Variants in RORA observed in about 807,000 individuals in gnomAD.
RORA encodes nuclear receptor ROR-alpha.
A neutral mutation model predicts 69.5 loss-of-function variants in RORA; 7 were observed. The ratio of observed to expected loss-of-function variants is 0.10; its 90% CI spans 0.06 to 0.19. The LOEUF (loss-of-function observed/expected upper bound fraction) is 0.19. Ranked by LOEUF, RORA falls within the 10% of genes least tolerant of loss-of-function variation. RORA has a pLI of 1.00. For synonymous variants in RORA, 261 were observed against 240.8 expected, an observed-to-expected ratio of 1.08 and a Z score of -0.78; for missense variants, 457 against 663.0, an observed-to-expected ratio of 0.69 and a Z score of 3.41.
At chr15:60,815,916 T>TATAGTGTATATATACTATAC (rs2072803893) in intron 1 of RORA, among the ~76,000 whole-genome samples, 3 of 129,382 alleles carry the variant, frequency 2.3e-5, no homozygotes, top group African/African-American at 8.8e-5. Flanking sequence ...ATTTATAAAC[T>TATAGTGTATATATACTATAC]ATAGTGTATA....
intron 1 of RORA, among the ~76,000 whole-genome samples, chr15:61,001,442 T>C (rs1400908090): frequency 1.3e-5 from 2 of 152,210 alleles, no homozygotes; most frequent in Admixed American, 6.5e-5. Context: ...AAAACTAACG[T>C]GATGTGCTGG....
intron 2 of RORA, among the ~76,000 whole-genome samples, chr15:60,602,489 T>A (rs1250048785): frequency 6.6e-6 from 1 of 152,222 alleles, no homozygotes; most frequent in African/African-American, 2.4e-5. Context: ...TTTCAGCACT[T>A]GTCAAAAAAC....
chr15:61,201,555 C>T (rs781106213), intron 1 of RORA, among the ~76,000 whole-genome samples: 2 of 152,182 alleles, frequency 1.3e-5, no homozygotes, highest in East Asian at 1.9e-4. Flanking sequence ...CACTTAACTG[C>T]ACAAGGTTTT....
intron 1 of RORA, among the ~76,000 whole-genome samples, chr15:61,040,411 C>T (rs1355359814): frequency 6.6e-6 from 1 of 151,826 alleles, no homozygotes; most frequent in Non-Finnish European, 1.5e-5. Context: ...TGCCTGACCT[C>T]AGCTCACGAT....
At chr15:61,164,008 C>T (rs2079519453) in intron 1 of RORA, among the ~76,000 whole-genome samples, 1 of 152,146 alleles carries the variant, frequency 6.6e-6, no homozygotes, top group Admixed American at 6.5e-5. Context: ...ATAGTTTAAA[C>T]ACCTATGCAA....
intron 1 of RORA, among the ~76,000 whole-genome samples, chr15:60,680,900 CAA>C (rs2070632720): frequency 6.6e-6 from 1 of 152,142 alleles, no homozygotes; most frequent in African/African-American, 2.4e-5. Context: ...ACTCCTGACA[CAA>C]GAGCAATATT....
intron 2 of RORA, among the ~76,000 whole-genome samples, chr15:60,631,211 C>T (rs1309014754): frequency 1.3e-5 from 2 of 152,176 alleles, no homozygotes; most frequent in Non-Finnish European, 2.9e-5. Flanking sequence ...CTTTCTAACC[C>T]AGCTTTCTTT....
At chr15:61,208,456 T>C (rs1263930286) in intron 1 of RORA, among the ~76,000 whole-genome samples, 1 of 152,222 alleles carries the variant, frequency 6.6e-6, no homozygotes, top group East Asian at 1.9e-4. Flanking sequence ...CTGATGGAAA[T>C]GTTGAACTAG....
rs909072161 is a variant in RORA, at chr15:60,949,179, C to A, written c.167-270493G>T. Among the ~76,000 whole-genome samples, 34 of 152,178 alleles carry A rather than the reference C, an allele frequency of 2.2e-4. 1 individual carries two copies. The highest frequency in any genetic ancestry group is 8.0e-4 in the African/African-American group (33 of 41,438). On this transcript the variant is annotated intron_variant, in intron 1 of 10. Coordinates refer to ENST00000335670, the MANE Select transcript of RORA (RefSeq NM_134261.3). ...ACCCAGTAGCACACACCCCCTATGA[C>A]ATGGCCCCTTCCCCGTGAAGCTCAC...
chr15:60,581,114 C>T (rs956145054), intron 2 of RORA, among the ~76,000 whole-genome samples: 9 of 152,170 alleles, frequency 5.9e-5, no homozygotes, highest in Admixed American at 2.0e-4. Context: ...TTCTAGCAAA[C>T]GAAAACATTC....
At chr15:60,540,892 C>T (rs924592274) in intron 2 of RORA, among the ~76,000 whole-genome samples, 1 of 152,198 alleles carries the variant, frequency 6.6e-6, no homozygotes, top group Non-Finnish European at 1.5e-5. Flanking sequence ...TTTATAGTCA[C>T]AGGAACATGG....
At chr15:60,668,336 CAAG>C (rs2140730444) in intron 2 of RORA, among the ~76,000 whole-genome samples, 1 of 152,282 alleles carries the variant, frequency 6.6e-6, no homozygotes, top group Non-Finnish European at 1.5e-5. Flanking sequence ...AGTTTTTTAA[CAAG>C]GAGGAAAACC....
At chr15:60,561,901 G>A (rs1208832715) in intron 2 of RORA, among the ~76,000 whole-genome samples, 1 of 151,632 alleles carries the variant, frequency 6.6e-6, no homozygotes, top group Non-Finnish European at 1.5e-5. Flanking sequence ...TGGAATCTGT[G>A]ATACACAGAA....
rs148841783 is a variant in RORA at position 61,142,767 on chromosome 15, T to A, written c.166+86286A>T. On this transcript the variant is annotated intron_variant, in intron 1 of 10. Transcript: ENST00000335670. ...TTATAGCAGAAAGATCCTATAATCA[T>A]CTTCACGGGTGCTAAAAAAGCATTC... 3.2e-3 allele frequency among the ~76,000 whole-genome samples: 484 copies of A among 152,274 alleles called. 2 individuals carry two copies. The highest frequency in any genetic ancestry group is 3.3e-3 in the Non-Finnish European group (222 of 68,002).
chr15:61,228,384 G>A (rs1596087931), intron 1 of RORA, among the ~76,000 whole-genome samples: 1 of 151,962 alleles, frequency 6.6e-6, no homozygotes, highest in East Asian at 2.0e-4. Flanking sequence ...TTGGCGAACA[G>A]CTCGCCCGCC....
intron 1 of RORA, among the ~76,000 whole-genome samples, chr15:60,885,022 T>C (rs2073736175): frequency 6.6e-6 from 1 of 152,228 alleles, no homozygotes; most frequent in Non-Finnish European, 1.5e-5. Context: ...AAAGCAGCCT[T>C]TTCATTTCAT....
intron 1 of RORA, among the ~76,000 whole-genome samples, chr15:60,951,914 G>C (rs899126890): frequency 4.6e-5 from 7 of 150,566 alleles, no homozygotes; most frequent in African/African-American, 1.7e-4. Context: ...AATAGAAAAA[G>C]AGGGAATCCT....
chr15:60,531,378 G>C lies in RORA; in HGVS notation c.282+388C>G. The C allele has an allele frequency of 5.4e-6, 1 of 184,060 alleles. No homozygotes were observed. Among genetic ancestry groups the C allele is most frequent in the Non-Finnish European group, 1.1e-5 (1 of 90,660 alleles). The allele number at this position is 184,060 out of a possible 1,614,324, so 11.4% of individuals were successfully genotyped here. A position where few individuals can be genotyped will look rare whatever the true frequency, so the allele number is the denominator to read the frequency against. ...TTAACATTATGTGTGCTAACAATAAGACTCAACTCAGTGACATTCCAATTA... is the reference window on the plus strand; with the variant it reads ...TTAACATTATGTGTGCTAACAATAACACTCAACTCAGTGACATTCCAATTA... On this transcript the variant is annotated intron_variant, in intron 3 of 10. Coordinates refer to ENST00000335670, the MANE Select transcript of RORA (RefSeq NM_134261.3). The surrounding 1 kb of genome is among the most constrained non-coding windows in gnomAD (Gnocchi z 4.8).
At chr15:60,939,285 C>T (rs1892617566) in intron 1 of RORA, among the ~76,000 whole-genome samples, 1 of 152,180 alleles carries the variant, frequency 6.6e-6, no homozygotes, top group Non-Finnish European at 1.5e-5. Context: ...GTAGCCCTGC[C>T]TCTCAGGTCT....
Sources: allele counts gnomAD v4.1 joint callset (sites outside exome capture counted in the v4.1 genomes callset), GRCh38; gene constraint gnomAD v4.1.1; non-coding constraint Gnocchi (gnomAD v3.1); transcripts MANE v1.5; gene names NCBI Gene and HGNC (gene_info 2026-07-23, HGNC 2026-07-21).